Variants in VSTM5 observed in about 807,000 individuals in gnomAD.
The protein encoded by VSTM5 is V-set and transmembrane domain containing 5, also known as V-set and transmembrane domain-containing protein 5.
VSTM5 carries 21 observed loss-of-function variants against 20.3 expected under a neutral mutation model. The ratio of observed to expected loss-of-function variants is 1.03; its 90% CI spans 0.73 to 1.49. The LOEUF is 1.49. Among genes scored for constraint, VSTM5 ranks in the 40% most tolerant of loss-of-function variants. VSTM5 has a pLI of 0.00. For missense variants in VSTM5, 219 were observed against 250.0 expected, an observed-to-expected ratio of 0.88 and a Z score of 0.84; for synonymous variants, 100 against 102.5, an observed-to-expected ratio of 0.98 and a Z score of 0.14.
At chr11:93,844,022 T>C (rs751892184) in intron 1 of VSTM5, among the ~76,000 whole-genome samples, 3 of 152,152 alleles carry the variant, frequency 2.0e-5, no homozygotes, top group Non-Finnish European at 2.9e-5. Context: ...AGCCTTCCAC[T>C]CACGTTAGAT....
intron 1 of VSTM5, among the ~76,000 whole-genome samples, chr11:93,832,819 A>G (rs2135734243): frequency 6.6e-6 from 1 of 152,356 alleles, no homozygotes; most frequent in East Asian, 1.9e-4. Context: ...GTAAAAATTC[A>G]GAGCTGAGAC....
chr11:93,850,287 C>T (rs1015228615), intron 1 of VSTM5, 125 bp downstream of exon 1: 7 of 741,624 alleles, frequency 9.4e-6, no homozygotes, highest in South Asian at 2.2e-5. Flanking sequence ...CCGAGCTCAC[C>T]GCGCGCCCTC....
chr11:93,845,539 GGC>G (rs1944405950), intron 1 of VSTM5, among the ~76,000 whole-genome samples: 1 of 152,138 alleles, frequency 6.6e-6, no homozygotes, highest in Non-Finnish European at 1.5e-5. Context: ...TTATAGGAGG[GGC>G]GAGTCGTTTC....
chr11:93,844,196 GAA>G (rs978667003), intron 1 of VSTM5, among the ~76,000 whole-genome samples: 53 of 152,344 alleles, frequency 3.5e-4, no homozygotes, highest in African/African-American at 1.2e-3. Context: ...AAGAACCTCT[GAA>G]ATCCCATCCC....
rs192698358 is a variant in VSTM5, at chr11:93,846,175, A to G, written c.91+4237T>C. 4.4e-3 allele frequency among the ~76,000 whole-genome samples: 661 copies of G among 148,982 alleles called. 4 individuals carry two copies. The highest frequency in any genetic ancestry group is 0.015 in the African/African-American group (613 of 40,206). On this transcript the variant is annotated intron_variant, in intron 1 of 3. Transcript: ENST00000409977. The stretch of plus-strand genomic sequence containing the variant: ...CCAGCTTCAAAGCTATTGATTTATA[A>G]CATGAATTCTGACTTTAGATATAGT...
rs1190209341 is a variant in VSTM5 at position 93,818,429 on chromosome 11, AC to A, written c.*2139del. 1 of 150,228 alleles carries A rather than the reference AC, an allele frequency of 6.7e-6. No individual in the cohort carries two copies. The highest frequency in any genetic ancestry group is 1.5e-5 in the Non-Finnish European group (1 of 67,404). 9.3% of individuals were successfully genotyped at this position (150,228 alleles called of 1,614,324 possible). A position where few individuals can be genotyped will look rare whatever the true frequency, so the allele number is the denominator to read the frequency against. ...GCAGAGCTTTAAAAATTCAAAAGAAACCCTTTTTTCAAAGAAATGGAAAGCC... is the reference window on the plus strand; with the variant it reads ...GCAGAGCTTTAAAAATTCAAAAGAAACCTTTTTTCAAAGAAATGGAAAGCC... On this transcript the variant is annotated 3_prime_UTR_variant, in exon 4 of 4. Coordinates refer to ENST00000409977, the MANE Select transcript of VSTM5 (RefSeq NM_001144871.2).
At chr11:93,838,026 A>G (rs1944338184) in intron 1 of VSTM5, among the ~76,000 whole-genome samples, 1 of 152,144 alleles carries the variant, frequency 6.6e-6, no homozygotes, top group Non-Finnish European at 1.5e-5. Context: ...AGGGAAAGCC[A>G]GAAAAGGCCC....
chr11:93,821,553 A>T, intron 1 of VSTM5: 2 of 545,862 alleles, frequency 3.7e-6, no homozygotes, highest in Non-Finnish European at 6.5e-6. Flanking sequence ...GACTATTTAG[A>T]ATGCTCCCTT....
At chr11:93,840,956 A>G (rs1456028721) in intron 1 of VSTM5, among the ~76,000 whole-genome samples, 2 of 152,240 alleles carry the variant, frequency 1.3e-5, no homozygotes, top group African/African-American at 2.4e-5. Context: ...AATTTCCTAA[A>G]GTTAAATAAA....
intron 1 of VSTM5, among the ~76,000 whole-genome samples, chr11:93,822,450 A>G (rs989564912): frequency 1.3e-5 from 2 of 150,430 alleles, no homozygotes; most frequent in African/African-American, 4.9e-5. Flanking sequence ...ATTTCAGCAC[A>G]GCTCTGATTC....
intron 1 of VSTM5, among the ~76,000 whole-genome samples, chr11:93,834,314 C>T (rs1944305351): frequency 6.6e-6 from 1 of 152,198 alleles, no homozygotes; most frequent in South Asian, 2.1e-4. Flanking sequence ...AGGCTCCCTC[C>T]TCTTCCTGGG....
At chr11:93,839,369 G>T (rs906843139) in intron 1 of VSTM5, among the ~76,000 whole-genome samples, 1 of 152,194 alleles carries the variant, frequency 6.6e-6, no homozygotes, top group Non-Finnish European at 1.5e-5. Context: ...CTGGTTCCAG[G>T]TCTAGGGAGA....
rs528697109 is a variant in VSTM5, at chr11:93,828,609, A to G, written c.92-7286T>C. On this transcript the variant is annotated intron_variant, in intron 1 of 3. Coordinates refer to ENST00000409977, the MANE Select transcript of VSTM5 (RefSeq NM_001144871.2). ...GATAGGACAGGTATCTTGCCAACAT[A>G]GTCTCTGCATTTAAGGAGTTATAGA... Among the ~76,000 whole-genome samples, 11 of 152,312 alleles carry G rather than the reference A, an allele frequency of 7.2e-5. No individual in the cohort carries two copies. In the East Asian group the frequency reaches 1.5e-3, roughly 21 times the overall value.
chr11:93,846,766 ATT>A lies in VSTM5; in HGVS notation c.91+3644_91+3645del, dbSNP rs143745842. ...ATGCATTTTTAAAAAATTTTTTTTA[ATT>A]TTTTTTTTTTTTTTTTTGAGATGGA... On this transcript the variant is annotated intron_variant, in intron 1 of 3. Transcript: ENST00000409977. 6.0e-3 allele frequency among the ~76,000 whole-genome samples: 563 copies of A among 94,616 alleles called. 4 individuals are homozygous for A. Among genetic ancestry groups the A allele is most frequent in the Non-Finnish European group, 8.5e-3 (418 of 48,938 alleles). 62.1% of individuals were successfully genotyped at this position (94,616 alleles called of 152,430 possible). A position where few individuals can be genotyped will look rare whatever the true frequency, so the allele number is the denominator to read the frequency against.
At chr11:93,821,520 G>C in intron 1 of VSTM5, 197 bp from the exon 2 acceptor site, 1 of 590,766 alleles carries the variant, frequency 1.7e-6, no homozygotes, top group Non-Finnish European at 3.0e-6. Context: ...TCTACACACA[G>C]AGCAACCTTT....
chr11:93,820,666 T>C (rs1417329460), intron 3 of VSTM5, 54 bp from the exon 4 acceptor site: 60 of 1,551,570 alleles, frequency 3.9e-5, no homozygotes, highest in Non-Finnish European at 4.5e-5. Flanking sequence ...TAGTGCTTTC[T>C]TCGTGAGAAC....
At chr11:93,837,233 T>C (rs996679590) in intron 1 of VSTM5, among the ~76,000 whole-genome samples, 5 of 152,128 alleles carry the variant, frequency 3.3e-5, no homozygotes, top group South Asian at 4.1e-4. Context: ...GGTTTCACCA[T>C]GTTGGCCAGG....
intron 1 of VSTM5, among the ~76,000 whole-genome samples, chr11:93,832,580 T>C (rs1019593812): frequency 1.3e-5 from 2 of 152,198 alleles, no homozygotes; most frequent in African/African-American, 2.4e-5. Flanking sequence ...AAAATACAAA[T>C]ACTGCATGCC....
rs957522712 is a variant in VSTM5 at position 93,821,330 on chromosome 11, G to A, written c.92-7C>T. 6.5e-7 allele frequency: 1 copy of A among 1,547,674 alleles called. No individual in the cohort carries two copies. The highest frequency in any genetic ancestry group is 8.7e-7 in the Non-Finnish European group (1 of 1,143,918). Reference sequence around the variant, plus strand: ...TATAGGGACACACCCTGACCTGCAGGATGATATGCTGGATGTTGGGCACAT... The same window carrying A: ...TATAGGGACACACCCTGACCTGCAGAATGATATGCTGGATGTTGGGCACAT... On this transcript the variant is annotated splice_region_variant and splice_polypyrimidine_tract_variant and intron_variant, in intron 1 of 3. Transcript: ENST00000409977.
Sources: allele counts gnomAD v4.1 joint callset (sites outside exome capture counted in the v4.1 genomes callset), GRCh38; gene constraint gnomAD v4.1.1; transcripts MANE v1.5; gene names NCBI Gene and HGNC (gene_info 2026-07-23, HGNC 2026-07-21).